The following PLPPR1 variants were observed in gnomAD, a reference collection of about 807,000 sequenced individuals.
PLPPR1 encodes the protein phospholipid phosphatase related 1, also known as phospholipid phosphatase-related protein type 1.
PLPPR1 carries 10 observed loss-of-function variants against 33.1 expected under a neutral mutation model. The observed-to-expected ratio is 0.30, with a 90% CI of 0.19 to 0.51. PLPPR1 has a LOEUF of 0.51. Ranked by LOEUF, PLPPR1 falls within the 20% of genes least tolerant of loss-of-function variation. The pLI is 0.97. For synonymous variants in PLPPR1, 151 were observed against 151.0 expected (o/e 1.00, Z 0.00); for missense variants, 304 against 408.1 (o/e 0.74, Z 2.20).
At chr9:101,296,191 T>G (rs564458896) in intron 4 of PLPPR1, among the ~76,000 whole-genome samples, 1 of 151,680 alleles carries the variant, frequency 6.6e-6, no homozygotes, top group East Asian at 1.9e-4. Context: ...AAAAAACACA[T>G]GAAAAAATGC....
In PLPPR1 at chr9:101,223,158, A is replaced by G. The variant is rs1826985331; in HGVS notation, c.63+37601A>G. Among the ~76,000 whole-genome samples the G allele has an allele frequency of 2.4e-5, 3 of 126,054 alleles. No homozygotes were observed. In the South Asian group the frequency reaches 1.1e-3, roughly 45 times the overall value. The allele number at this position is 126,054 out of a possible 152,430, so 82.7% of individuals were successfully genotyped here. ...TGAGACCCATCTCTACAAAAAAAAA[A>G]AAAAAAAAAAAAAAGAAAAGAAAAA... On this transcript the variant is annotated intron_variant, in intron 2 of 7. Transcript: ENST00000374874.
intron 1 of PLPPR1, among the ~76,000 whole-genome samples, chr9:101,085,744 A>G (rs980142308): frequency 2.6e-5 from 4 of 152,162 alleles, no homozygotes; most frequent in African/African-American, 9.7e-5. Flanking sequence ...GCTAGTTTTC[A>G]GAAGAATGTG....
At chr9:101,035,108 C>T (rs1044720237) in intron 1 of PLPPR1, among the ~76,000 whole-genome samples, 5 of 152,108 alleles carry the variant, frequency 3.3e-5, no homozygotes, top group African/African-American at 9.7e-5. Flanking sequence ...TTTAGGGAAA[C>T]GACTACTTGT....
chr9:101,081,246 C>G (rs1308879425), intron 1 of PLPPR1, among the ~76,000 whole-genome samples: 1 of 151,968 alleles, frequency 6.6e-6, no homozygotes, highest in Non-Finnish European at 1.5e-5. Context: ...GACAGAGTCT[C>G]GCTCTGTCAC....
chr9:101,320,582 C>T (rs777961229), intron 7 of PLPPR1, among the ~76,000 whole-genome samples: 4 of 152,160 alleles, frequency 2.6e-5, no homozygotes, highest in Non-Finnish European at 5.9e-5. Flanking sequence ...AATGAAGCCA[C>T]AGAAAGCTAA....
intron 2 of PLPPR1, among the ~76,000 whole-genome samples, chr9:101,197,211 A>G (rs1826413374): frequency 6.6e-6 from 1 of 152,134 alleles, no homozygotes; most frequent in South Asian, 2.1e-4. Flanking sequence ...TTCCTCAAGC[A>G]AAGAAACCAT....
chr9:101,061,055 A>T (rs879633508), intron 1 of PLPPR1, among the ~76,000 whole-genome samples: 2 of 151,918 alleles, frequency 1.3e-5, no homozygotes, highest in Non-Finnish European at 2.9e-5. Flanking sequence ...CTGTGGAGGA[A>T]GCCCCCAGAA....
intron 1 of PLPPR1, among the ~76,000 whole-genome samples, chr9:101,038,225 AT>A (rs1256034990): frequency 6.6e-6 from 1 of 152,174 alleles, no homozygotes; most frequent in Non-Finnish European, 1.5e-5. Context: ...ATTAATAAAT[AT>A]TTGGTAAATA....
chr9:101,137,047 C>T (rs56774799), intron 1 of PLPPR1, among the ~76,000 whole-genome samples: 9,422 of 152,074 alleles, frequency 0.062, 980 homozygotes, highest in African/African-American at 0.21. Flanking sequence ...ACCCCATTTA[C>T]CAGGATGTGG....
At chr9:101,215,530 A>G (rs1051980619) in intron 2 of PLPPR1, among the ~76,000 whole-genome samples, 1 of 152,080 alleles carries the variant, frequency 6.6e-6, no homozygotes. Flanking sequence ...CCCCCTGCCT[A>G]AGTGCAGGGA....
intron 1 of PLPPR1, among the ~76,000 whole-genome samples, chr9:101,099,108 G>C (rs1830860628): frequency 6.6e-6 from 1 of 151,726 alleles, no homozygotes; most frequent in Non-Finnish European, 1.5e-5. Context: ...TGTGTGTCGG[G>C]GGGAGGCGGG....
In PLPPR1 at chr9:101,216,029, G is replaced by T. The variant is rs566409301; in HGVS notation, c.63+30472G>T. Among the ~76,000 whole-genome samples, 6 of 152,212 alleles carry T rather than the reference G, an allele frequency of 3.9e-5. No individual in the cohort carries two copies. The South Asian group carries it at 1.2e-3, about 32-fold the overall frequency. On this transcript the variant is annotated intron_variant, in intron 2 of 7. Transcript: ENST00000374874. Reference sequence around the variant, plus strand: ...CAGCAGTGGGATTACGGGATCATATGATAGTTCCAATTTTAGTTTTTTTGA... The same window carrying T: ...CAGCAGTGGGATTACGGGATCATATTATAGTTCCAATTTTAGTTTTTTTGA...
intron 4 of PLPPR1, among the ~76,000 whole-genome samples, chr9:101,294,484 GCA>G (rs1328830894): frequency 1.3e-5 from 2 of 152,044 alleles, no homozygotes; most frequent in Non-Finnish European, 1.5e-5. Context: ...CCAAAGCCTG[GCA>G]CAGACACAAC....
chr9:101,281,824 T>C (rs1438295671), intron 3 of PLPPR1, among the ~76,000 whole-genome samples: 3 of 152,078 alleles, frequency 2.0e-5, no homozygotes, highest in Non-Finnish European at 2.9e-5. Context: ...ACAAATTGGA[T>C]AGCCTAGAAG....
chr9:101,037,651 C>T (rs530455228), intron 1 of PLPPR1, among the ~76,000 whole-genome samples: 23 of 152,242 alleles, frequency 1.5e-4, no homozygotes, highest in Middle Eastern at 3.4e-3. Flanking sequence ...TGCTAGCTAT[C>T]GCTTCCAGGC....
At chr9:101,126,545 G>A (rs1301239004) in intron 1 of PLPPR1, among the ~76,000 whole-genome samples, 1 of 152,174 alleles carries the variant, frequency 6.6e-6, no homozygotes, top group Admixed American at 6.5e-5. Context: ...GTTTATTGAG[G>A]TGCCCTCTGA....
chr9:101,067,509 G>C (rs969700458), intron 1 of PLPPR1, among the ~76,000 whole-genome samples: 1 of 152,034 alleles, frequency 6.6e-6, no homozygotes, highest in African/African-American at 2.4e-5. Flanking sequence ...ACTTTAATAA[G>C]AGGGTATGCA....
chr9:101,256,578 G>T (rs1028214769), intron 2 of PLPPR1, among the ~76,000 whole-genome samples: 2 of 152,056 alleles, frequency 1.3e-5, no homozygotes, highest in Non-Finnish European at 2.9e-5. Context: ...GAAATTCCAG[G>T]GGTGGTGCTC....
chr9:101,299,292 G>A (rs1828704061), intron 4 of PLPPR1, among the ~76,000 whole-genome samples: 3 of 152,208 alleles, frequency 2.0e-5, no homozygotes, highest in Admixed American at 2.0e-4. Flanking sequence ...CTAGATTAGA[G>A]ACTAAGATGT....
Sources: allele counts gnomAD v4.1 joint callset (sites outside exome capture counted in the v4.1 genomes callset), GRCh38; gene constraint gnomAD v4.1.1; transcripts MANE v1.5; gene names NCBI Gene and HGNC (gene_info 2026-07-23, HGNC 2026-07-21).